The following EXOC6B variants were observed in gnomAD, a reference collection of about 807,000 sequenced individuals.
The protein encoded by EXOC6B is exocyst complex component 6B.
EXOC6B carries 54 observed loss-of-function variants against 113.5 expected under a neutral mutation model. The ratio of observed to expected loss-of-function variants is 0.48; its 90% CI spans 0.38 to 0.60. The LOEUF is 0.60. Ranked by LOEUF, EXOC6B falls within the 20% of genes least tolerant of loss-of-function variation. The pLI is 0.00. For missense variants in EXOC6B, 797 were observed against 977.5 expected, an observed-to-expected ratio of 0.82 and a Z score of 2.46; for synonymous variants, 357 against 339.0, an observed-to-expected ratio of 1.05 and a Z score of -0.58.
At chr2:72,691,244 G>A (rs924993496) in intron 6 of EXOC6B, among the ~76,000 whole-genome samples, 4 of 152,062 alleles carry the variant, frequency 2.6e-5, no homozygotes, top group African/African-American at 9.7e-5. Context: ...CCATAAGCTA[G>A]GAGAAAAGCA....
intron 18 of EXOC6B, chr2:72,463,102 T>C (rs1431283647): frequency 6.6e-6 from 1 of 152,112 alleles, no homozygotes; most frequent in African/African-American, 2.4e-5. Context: ...TTTTTTAAAA[T>C]ATCAAACCAT....
intron 18 of EXOC6B, among the ~76,000 whole-genome samples, chr2:72,424,889 G>A (rs757099405): frequency 2.8e-4 from 43 of 152,080 alleles, no homozygotes; most frequent in Admixed American, 5.2e-4. Context: ...TGTTACATAG[G>A]TAAACATGTG....
At chr2:72,614,088 C>G (rs1671243354) in intron 6 of EXOC6B, among the ~76,000 whole-genome samples, 1 of 152,084 alleles carries the variant, frequency 6.6e-6, no homozygotes, top group Non-Finnish European at 1.5e-5. Flanking sequence ...AAAACATTCT[C>G]TATCTGGCCG....
intron 20 of EXOC6B, among the ~76,000 whole-genome samples, chr2:72,218,446 A>G (rs1178927198): frequency 6.6e-6 from 1 of 152,198 alleles, no homozygotes; most frequent in Admixed American, 6.5e-5. Flanking sequence ...GCATGTGTGC[A>G]TATGTATATG....
chr2:72,233,701 G>T (rs1361534460), intron 20 of EXOC6B, among the ~76,000 whole-genome samples: 1 of 152,192 alleles, frequency 6.6e-6, no homozygotes, highest in African/African-American at 2.4e-5. Flanking sequence ...GCACCTGGGA[G>T]CACTAAGATT....
intron 7 of EXOC6B, among the ~76,000 whole-genome samples, chr2:72,575,045 GGAAT>G (rs1257728727): frequency 2.6e-5 from 4 of 152,026 alleles, no homozygotes; most frequent in African/African-American, 9.7e-5. Flanking sequence ...TCAACTTTCT[GGAAT>G]CTTTGTGTAT....
At chr2:72,253,104 A>T (rs1400361655) in intron 20 of EXOC6B, among the ~76,000 whole-genome samples, 1 of 152,224 alleles carries the variant, frequency 6.6e-6, no homozygotes, top group Non-Finnish European at 1.5e-5. Context: ...AAAATGCTCA[A>T]CTTCACTAAT....
chr2:72,619,102 G>A (rs575224845), intron 6 of EXOC6B, among the ~76,000 whole-genome samples: 8 of 152,072 alleles, frequency 5.3e-5, no homozygotes, highest in Non-Finnish European at 5.9e-5. Context: ...TTGCAGCTAC[G>A]AGACCTGGAA....
rs114733984 is a variant in EXOC6B at position 72,236,302 on chromosome 2, C to T, written c.2197-52115G>A. Among the ~76,000 whole-genome samples, 328 of 152,212 alleles carry T rather than the reference C, an allele frequency of 2.2e-3. 3 individuals are homozygous for T. The Middle Eastern group carries it at 0.024, about 11-fold the overall frequency. On this transcript the variant is annotated intron_variant, in intron 20 of 21. Transcript: ENST00000272427. ...AATATTGGGCCACTAATACACAAGA[C>T]GAGATTAAATGGTTTGAAATATTCT...
intron 6 of EXOC6B, among the ~76,000 whole-genome samples, chr2:72,667,488 C>T (rs1051677790): frequency 1.3e-5 from 2 of 152,156 alleles, no homozygotes; most frequent in African/African-American, 4.8e-5. Context: ...TATAAGACTA[C>T]AGTAATCAAA....
At chr2:72,329,528 T>C (rs1188997807) in intron 20 of EXOC6B, among the ~76,000 whole-genome samples, 1 of 152,140 alleles carries the variant, frequency 6.6e-6, no homozygotes, top group Non-Finnish European at 1.5e-5. Flanking sequence ...GGTTTTCTAC[T>C]GAGGCTAAAA....
At chr2:72,371,553 A>G (rs1691019473) in intron 19 of EXOC6B, among the ~76,000 whole-genome samples, 1 of 152,242 alleles carries the variant, frequency 6.6e-6, no homozygotes, top group Non-Finnish European at 1.5e-5. Context: ...AATCAATGTG[A>G]TACAACATAT....
At chr2:72,440,111 C>T (rs955675123) in intron 18 of EXOC6B, among the ~76,000 whole-genome samples, 4 of 152,032 alleles carry the variant, frequency 2.6e-5, no homozygotes, top group African/African-American at 7.3e-5. Flanking sequence ...CTGTAGGAGG[C>T]GACTGAAGAC....
At chr2:72,433,658 CTT>C (rs1695679175) in intron 18 of EXOC6B, among the ~76,000 whole-genome samples, 1 of 152,118 alleles carries the variant, frequency 6.6e-6, no homozygotes. Context: ...ATTTTATTCT[CTT>C]TGTAGCAATT....
intron 1 of EXOC6B, chr2:72,760,597 G>T (rs977257630): frequency 1.2e-5 from 2 of 160,284 alleles, no homozygotes; most frequent in East Asian, 1.9e-4. Flanking sequence ...ATTTAACACT[G>T]AAGAAGAAAA....
chr2:72,731,036 G>A lies in EXOC6B; in HGVS notation c.435C>T (p.Ser145=). The A allele has an allele frequency of 6.5e-7, 1 of 1,546,448 alleles. No homozygotes were observed. Among genetic ancestry groups the A allele is most frequent in the East Asian group, 2.4e-5 (1 of 42,170 alleles). The part of the protein sequence containing the change: ...MLCLPVLEMY[S]KLRDQMKTKR... ...TAGTTTTCATCTGGTCCCTCAGTTT[G>A]CTGTACATCTCTAGGACTTAAAAGA... Residue 145 remains serine, a synonymous_variant, in exon 5 of 22, where the codon AGC becomes AGT. Transcript: ENST00000272427.
intron 20 of EXOC6B, among the ~76,000 whole-genome samples, chr2:72,326,530 C>G (rs142477975): frequency 6.6e-6 from 1 of 152,130 alleles, no homozygotes; most frequent in Non-Finnish European, 1.5e-5. Flanking sequence ...TGCTTGTTAG[C>G]TCTTCACTCA....
At chr2:72,658,576 G>C (rs969300794) in intron 6 of EXOC6B, among the ~76,000 whole-genome samples, 1 of 151,876 alleles carries the variant, frequency 6.6e-6, no homozygotes, top group African/African-American at 2.4e-5. Context: ...TATAGTACTA[G>C]AGTCAACATA....
At chr2:72,264,113 T>C (rs907770606) in intron 20 of EXOC6B, among the ~76,000 whole-genome samples, 1 of 152,214 alleles carries the variant, frequency 6.6e-6, no homozygotes, top group African/African-American at 2.4e-5. Context: ...TGTCATATAC[T>C]GTATGCTCAA....
Sources: allele counts gnomAD v4.1 joint callset (sites outside exome capture counted in the v4.1 genomes callset), GRCh38; gene constraint gnomAD v4.1.1; transcripts MANE v1.5; gene names NCBI Gene and HGNC (gene_info 2026-07-23, HGNC 2026-07-21).